Variants in TIGAR observed in about 807,000 individuals in gnomAD.
TIGAR encodes TP53 induced glycolysis regulatory phosphatase.
A neutral mutation model predicts 17.9 loss-of-function variants in TIGAR; 7 were observed. The ratio of observed to expected loss-of-function variants is 0.39; its 90% CI spans 0.22 to 0.73. The LOEUF is 0.73. Ranked by LOEUF, TIGAR falls within the 30% of genes least tolerant of loss-of-function variation. TIGAR has a pLI of 0.42. For missense variants in TIGAR, 258 were observed against 327.4 expected (o/e 0.79, Z 1.64); for synonymous variants, 94 against 108.6 (o/e 0.87, Z 0.84).
In TIGAR at chr12:4,346,366, T is replaced by C. The variant is rs375679862; in HGVS notation, c.193-3453T>C. 3.3e-5 allele frequency among the ~76,000 whole-genome samples: 5 copies of C among 152,164 alleles called. 1 individual carries two copies. The highest frequency in any genetic ancestry group is 2.1e-4 in the South Asian group (1 of 4,816). On this transcript the variant is annotated intron_variant, in intron 3 of 5. Transcript: ENST00000179259. ...ACTTGGAACCAACCCAAATGTCCAATAATGATAGACTGGATTAAGAAAATG... is the reference window on the plus strand; with the variant it reads ...ACTTGGAACCAACCCAAATGTCCAACAATGATAGACTGGATTAAGAAAATG...
chr12:4,349,137 G>A (rs1010443741), intron 3 of TIGAR, among the ~76,000 whole-genome samples: 3 of 144,522 alleles, frequency 2.1e-5, no homozygotes, highest in Non-Finnish European at 1.5e-5. Context: ...GAGCCAGATA[G>A]TAATTTTTTT....
rs774663880 is a variant in TIGAR, at chr12:4,352,509, A to T, written c.631A>T (p.Thr211Ser). ...YMRSLFDYFL[T>S]DLKCSLPATL... is the part of the protein sequence containing the mutation. Reference sequence around the variant, plus strand: ...GAGAAGTCTGTTTGATTATTTTCTGACTGACCTTAAGTGTTCCTTACCAGC... The same window carrying T: ...GAGAAGTCTGTTTGATTATTTTCTGTCTGACCTTAAGTGTTCCTTACCAGC... The change falls in exon 6 of 6, where the codon ACT (threonine) becomes TCT (serine). Residue 211 changes from threonine (T) to serine (S), a missense_variant. By Grantham distance (58) the Thr-to-Ser change is moderately conservative. Transcript: ENST00000179259. The T allele has an allele frequency of 6.2e-7, 1 of 1,614,106 alleles. No homozygotes were observed. Among genetic ancestry groups the T allele is most frequent in the Non-Finnish European group, 8.5e-7 (1 of 1,180,016 alleles).
At chr12:4,345,023 A>G (rs1215996878) in intron 3 of TIGAR, among the ~76,000 whole-genome samples, 1 of 152,212 alleles carries the variant, frequency 6.6e-6, no homozygotes, top group African/African-American at 2.4e-5. Flanking sequence ...TTCAAAGAGG[A>G]TAAAATACCT....
intron 3 of TIGAR, among the ~76,000 whole-genome samples, chr12:4,341,017 A>G (rs1338498554): frequency 2.0e-5 from 3 of 152,236 alleles, no homozygotes; most frequent in Non-Finnish European, 4.4e-5. Context: ...AGCACAGGCA[A>G]CCAAAGCAAA....
chr12:4,333,979 T>C (rs746592147), intron 2 of TIGAR, among the ~76,000 whole-genome samples: 1 of 149,574 alleles, frequency 6.7e-6, no homozygotes, highest in South Asian at 2.1e-4. Context: ...TTTTTCTTTG[T>C]TTTTTTTTTC....
In TIGAR at chr12:4,356,396, A is replaced by T. The variant is rs575569410; in HGVS notation, c.*3705A>T. On this transcript the variant is annotated 3_prime_UTR_variant, in exon 6 of 6. Transcript: ENST00000179259. ...TCCCGGTTTTTGATTGTTTTTTAAC[A>T]AATGAATTTTTTAAGAGACTTAATT... 1.3e-3 allele frequency among the ~76,000 whole-genome samples: 204 copies of T among 152,052 alleles called. No homozygotes were observed. Among genetic ancestry groups the T allele is most frequent in the Non-Finnish European group, 2.3e-3 (155 of 68,038 alleles).
Position 4,321,455 on chromosome 12 carries a change from C to A in TIGAR, c.32+152C>A. On this transcript the variant is annotated intron_variant, in intron 1 of 5. Transcript: ENST00000179259. This position sits in a 1 kb window ranked among gnomAD's most constrained non-coding sequence, Gnocchi z 5.2. ...GAAGCGCTTTTTCCGGGGCGCTTGC[C>A]CTGGGGCCGTCCCGTGTCGCCCCTC... 1 of 1,112,350 alleles carries A rather than the reference C, an allele frequency of 9.0e-7. No individual in the cohort carries two copies. The highest frequency in any genetic ancestry group is 1.5e-5 in the South Asian group (1 of 68,518). 68.9% of individuals were successfully genotyped at this position (1,112,350 alleles called of 1,614,324 possible). A position where few individuals can be genotyped will look rare whatever the true frequency, so the allele number is the denominator to read the frequency against.
chr12:4,331,288 C>G lies in TIGAR; in HGVS notation c.41C>G (p.Thr14Arg). 6.2e-7 allele frequency: 1 copy of G among 1,609,170 alleles called. No homozygotes were observed. The change falls in exon 2 of 6, where the codon ACA (threonine) becomes AGA (arginine). Residue 14 changes from threonine to arginine, a missense_variant. Physicochemically the swap from Thr to Arg is moderately conservative, Grantham distance 71. Transcript: ENST00000179259. Reference sequence around the variant, plus strand: ...TTCTCTTTCTATTTTAGTGGAGAAACAAGATTTAACAAGGAGAAAATAATC... The same window carrying G: ...TTCTCTTTCTATTTTAGTGGAGAAAGAAGATTTAACAAGGAGAAAATAATC... ...FALTVVRHGETRFNKEKIIQG... is the reference protein window; with the variant it reads ...FALTVVRHGERRFNKEKIIQG...
intron 3 of TIGAR, among the ~76,000 whole-genome samples, chr12:4,343,321 TCAA>T (rs1390300298): frequency 6.6e-6 from 1 of 152,176 alleles, no homozygotes; most frequent in African/African-American, 2.4e-5. Flanking sequence ...ATTAGACAGA[TCAA>T]CAAGACAGAA....
rs1021157299 is a variant in TIGAR at position 4,359,476 on chromosome 12, G to A, written c.*6785G>A. Among the ~76,000 whole-genome samples the A allele has an allele frequency of 2.0e-5, 3 of 151,880 alleles. No homozygotes were observed. Among genetic ancestry groups the A allele is most frequent in the Non-Finnish European group, 2.9e-5 (2 of 67,958 alleles). Reference sequence around the variant, plus strand: ...GTTCTTTGGAAATGAAATGAAAGACGCCTGGTGTGCATGGTATTTAGAAAC... The same window carrying A: ...GTTCTTTGGAAATGAAATGAAAGACACCTGGTGTGCATGGTATTTAGAAAC... On this transcript the variant is annotated 3_prime_UTR_variant, in exon 6 of 6. Transcript: ENST00000179259.
rs1363966755 is a variant in TIGAR at position 4,358,307 on chromosome 12, AAG to A, written c.*5618_*5619del. 6.6e-6 allele frequency among the ~76,000 whole-genome samples: 1 copy of A among 151,944 alleles called. No homozygotes were observed. The highest frequency in any genetic ancestry group is 1.5e-5 in the Non-Finnish European group (1 of 67,976). On this transcript the variant is annotated 3_prime_UTR_variant, in exon 6 of 6. Coordinates refer to ENST00000179259, the MANE Select transcript of TIGAR (RefSeq NM_020375.3). ...GTCTCCAAAAAAAAAAAAAAAGAAA[AAG>A]AAAAATCACTGAGCTACTGTATCCT...
chr12:4,330,176 G>C (rs11063084), intron 1 of TIGAR, among the ~76,000 whole-genome samples: 31,903 of 152,020 alleles, frequency 0.21, 3,385 homozygotes, highest in South Asian at 0.3. Flanking sequence ...TTCTAGATCT[G>C]AGTAAATCAG....
At chr12:4,333,611 G>A (rs568681822) in intron 2 of TIGAR, among the ~76,000 whole-genome samples, 3 of 152,298 alleles carry the variant, frequency 2.0e-5, no homozygotes, top group Admixed American at 1.3e-4. Flanking sequence ...TGGGATTACA[G>A]GTGCACACTA....
chr12:4,329,189 G>A (rs1176181382), intron 1 of TIGAR, among the ~76,000 whole-genome samples: 1 of 151,896 alleles, frequency 6.6e-6, no homozygotes, highest in Non-Finnish European at 1.5e-5. Context: ...CATTTACATA[G>A]GATTCCATTA....
At chr12:4,351,637 T>G (rs1864839290) in intron 5 of TIGAR, among the ~76,000 whole-genome samples, 1 of 152,204 alleles carries the variant, frequency 6.6e-6, no homozygotes, top group East Asian at 1.9e-4. Flanking sequence ...AAGCAGTGGC[T>G]TAGTGGTGGG....
chr12:4,350,085 G>A (rs888511746), intron 4 of TIGAR, among the ~76,000 whole-genome samples, 189 bp downstream of exon 4: 14 of 152,234 alleles, frequency 9.2e-5, no homozygotes, highest in Middle Eastern at 3.4e-3. Context: ...AAAATCAAAC[G>A]AGACAAGCAT....
chr12:4,355,792 T>G lies in TIGAR; in HGVS notation c.*3101T>G, dbSNP rs1009921993. ...AGGTCAGAGTAAGGGGGATGGAGACTGGTGGGAGGAATGCTGCTTTATCCA... is the reference window on the plus strand; with the variant it reads ...AGGTCAGAGTAAGGGGGATGGAGACGGGTGGGAGGAATGCTGCTTTATCCA... On this transcript the variant is annotated 3_prime_UTR_variant, in exon 6 of 6. Transcript: ENST00000179259. 6.6e-6 allele frequency among the ~76,000 whole-genome samples: 1 copy of G among 152,120 alleles called. No individual in the cohort carries two copies. Among genetic ancestry groups the G allele is most frequent in the Non-Finnish European group, 1.5e-5 (1 of 68,004 alleles).
intron 2 of TIGAR, among the ~76,000 whole-genome samples, chr12:4,332,238 C>CTTTTTTTTTTT (rs777711454): frequency 2.5e-4 from 24 of 95,320 alleles, no homozygotes; most frequent in Middle Eastern, 0.015. Context: ...TCATGTATTT[C>CTTTTTTTTTTT]TTTTTTTTTT....
At chr12:4,342,828 C>T (rs1313908355) in intron 3 of TIGAR, among the ~76,000 whole-genome samples, 1 of 152,170 alleles carries the variant, frequency 6.6e-6, no homozygotes, top group African/African-American at 2.4e-5. Flanking sequence ...ACTGCATCAA[C>T]TAATGAGCAA....
Sources: allele counts gnomAD v4.1 joint callset (sites outside exome capture counted in the v4.1 genomes callset), GRCh38; gene constraint gnomAD v4.1.1; non-coding constraint Gnocchi (gnomAD v3.1); transcripts MANE v1.5; gene names NCBI Gene and HGNC (gene_info 2026-07-23, HGNC 2026-07-21).